The following TCEANC2 variants were observed in gnomAD, a reference collection of about 807,000 sequenced individuals.
The protein encoded by TCEANC2 is transcription elongation factor A N-terminal and central domain containing 2, also known as transcription elongation factor A N-terminal and central domain-containing protein 2.
TCEANC2 carries 20 observed loss-of-function variants against 22.8 expected under a neutral mutation model. The observed-to-expected ratio is 0.88, with a 90% CI of 0.62 to 1.28. The LOEUF is 1.28. Among genes scored for constraint, TCEANC2 ranks in the 50% most tolerant of loss-of-function variants. The pLI, the probability that TCEANC2 is intolerant of heterozygous loss-of-function variation, is 0.00. For missense variants in TCEANC2, 251 were observed against 249.7 expected (o/e 1.01, Z -0.03); for synonymous variants, 84 against 95.5 (o/e 0.88, Z 0.70).
intron 2 of TCEANC2, among the ~76,000 whole-genome samples, chr1:54,063,674 C>A (rs1320611888): frequency 3.3e-5 from 5 of 152,246 alleles, no homozygotes; most frequent in Non-Finnish European, 2.9e-5. Context: ...TCAACCAGTA[C>A]GTATAATGCA....
At chr1:54,109,291 A>G (rs1476329345), downstream of TCEANC2, among the ~76,000 whole-genome samples, 2 of 152,210 alleles carry the variant, frequency 1.3e-5, no homozygotes, top group Non-Finnish European at 2.9e-5. Flanking sequence ...AGGTATGTGC[A>G]AACGTGGAAG....
At chr1:54,091,121 A>G (rs570209537) in intron 4 of TCEANC2, among the ~76,000 whole-genome samples, 3 of 151,968 alleles carry the variant, frequency 2.0e-5, no homozygotes, top group African/African-American at 7.2e-5. Context: ...TAAAAAATTA[A>G]AAGTATGCAT....
At chr1:54,111,448 A>T (rs1245698669) in exon 5 of TCEANC2, 1 of 152,200 alleles carries the variant, frequency 6.6e-6, no homozygotes, top group Admixed American at 6.5e-5. Flanking sequence ...AGTCCAATTC[A>T]TGCCTAAGGG....
intron 2 of TCEANC2, among the ~76,000 whole-genome samples, chr1:54,057,892 C>T (rs183590427): frequency 6.6e-6 from 1 of 152,290 alleles, no homozygotes; most frequent in African/African-American, 2.4e-5. Flanking sequence ...TTCCTCTGTG[C>T]CTTTGCATAT....
rs1658736267 is a variant in TCEANC2, at chr1:54,105,465, ATC to A, written c.*8998_*8999del. The A allele has an allele frequency of 6.6e-6, 1 of 152,126 alleles. No individual in the cohort carries two copies. Among genetic ancestry groups the A allele is most frequent in the South Asian group, 2.1e-4 (1 of 4,818 alleles). The allele number at this position is 152,126 out of a possible 1,614,324, so 9.4% of individuals were successfully genotyped here. ...TTCATACAGCATCGGAGCCCAATTT[ATC>A]TCTCTGAGCAATCCTGCTTCCTTTC... On this transcript the variant is annotated 3_prime_UTR_variant, in exon 5 of 5. Coordinates refer to ENST00000234827, the MANE Select transcript of TCEANC2 (RefSeq NM_153035.3).
chr1:54,085,773 G>T (rs1382117886), intron 3 of TCEANC2, among the ~76,000 whole-genome samples: 1 of 151,994 alleles, frequency 6.6e-6, no homozygotes, highest in Non-Finnish European at 1.5e-5. Context: ...TTGCTCTGTT[G>T]CCCAGGCTGG....
Position 54,096,527 on chromosome 1 carries a change from T to C in TCEANC2, c.*54T>C. On this transcript the variant is annotated 3_prime_UTR_variant, in exon 5 of 5. Coordinates refer to ENST00000234827, the MANE Select transcript of TCEANC2 (RefSeq NM_153035.3). This position sits in a 1 kb window ranked among gnomAD's most constrained non-coding sequence, Gnocchi z 4.9. ...GCAGAGAGGAAAATGGGCCTGTCTC[T>C]GCCGTTCAAAGACGCTTTTGAGTTT... 1 of 1,550,760 alleles carries C rather than the reference T, an allele frequency of 6.4e-7. No homozygotes were observed. Among genetic ancestry groups the C allele is most frequent in the South Asian group, 1.2e-5 (1 of 84,842 alleles).
At position 54,068,818 on chromosome 1, in the gene TCEANC2, C is replaced by T. The variant is rs756558818; in HGVS notation, c.165C>T (p.Thr55=). ...CTATGCTGGAGCTTCCTGATCAAAC[C>T]AAAGAGAATCTTGTTGAAGCCTTAC... ...WKTMLELPDQ[T]KENLVEALQE... The change falls in exon 3 of 5, where the codon ACC becomes ACT. Residue 55 remains threonine (T), a synonymous_variant. Transcript: ENST00000234827. 7 of 1,611,818 alleles carry T rather than the reference C, an allele frequency of 4.3e-6. No individual in the cohort carries two copies. In the Admixed American group the frequency reaches 6.7e-5, roughly 15 times the overall value.
intron 4 of TCEANC2, among the ~76,000 whole-genome samples, chr1:54,093,304 G>T (rs1255118874): frequency 6.6e-6 from 1 of 152,134 alleles, no homozygotes; most frequent in African/African-American, 2.4e-5. Context: ...TAAAGCACCA[G>T]ATTAGGACCC....
intron 2 of TCEANC2, among the ~76,000 whole-genome samples, chr1:54,061,857 T>C (rs894190598): frequency 6.6e-6 from 1 of 152,240 alleles, no homozygotes; most frequent in Non-Finnish European, 1.5e-5. Context: ...TACAAGTAAT[T>C]TTGCCATAGG....
Position 54,097,436 on chromosome 1 carries a change from G to A in TCEANC2, c.*963G>A, listed in dbSNP as rs1000844500. Reference sequence around the variant, plus strand: ...GGAATGTAGAAGACTCAAGGAAGTGGGGATTAGATTAGGGGAGACTGGAGC... The same window carrying A: ...GGAATGTAGAAGACTCAAGGAAGTGAGGATTAGATTAGGGGAGACTGGAGC... On this transcript the variant is annotated 3_prime_UTR_variant, in exon 5 of 5. Coordinates refer to ENST00000234827, the MANE Select transcript of TCEANC2 (RefSeq NM_153035.3). 3.3e-5 allele frequency: 5 copies of A among 152,086 alleles called. No homozygotes were observed. Among genetic ancestry groups the A allele is most frequent in the African/African-American group, 1.2e-4 (5 of 41,414 alleles). 9.4% of individuals were successfully genotyped at this position (152,086 alleles called of 1,614,324 possible).
At chr1:54,070,856 T>C (rs1658043293) in intron 3 of TCEANC2, among the ~76,000 whole-genome samples, 1 of 152,240 alleles carries the variant, frequency 6.6e-6, no homozygotes, top group Admixed American at 6.5e-5. Context: ...TCCTGCCTTT[T>C]TGGAGCCTTA....
At chr1:54,064,159 G>A (rs546290062) in intron 2 of TCEANC2, among the ~76,000 whole-genome samples, 2 of 152,298 alleles carry the variant, frequency 1.3e-5, no homozygotes, top group South Asian at 2.1e-4. Flanking sequence ...AAATAAATTA[G>A]CAAGGGAGAG....
chr1:54,108,068 C>T (rs890557927), downstream of TCEANC2, among the ~76,000 whole-genome samples: 53 of 152,180 alleles, frequency 3.5e-4, no homozygotes, highest in Admixed American at 3.3e-3. Flanking sequence ...TTGAGAACAT[C>T]CTGTAAACAT....
At chr1:54,080,480 T>C (rs1233943714) in intron 3 of TCEANC2, among the ~76,000 whole-genome samples, 3 of 152,210 alleles carry the variant, frequency 2.0e-5, no homozygotes, top group African/African-American at 4.8e-5. Context: ...GCATTGCCTC[T>C]TTCATGGTGT....
At chr1:54,081,265 T>C (rs939715323) in intron 3 of TCEANC2, among the ~76,000 whole-genome samples, 1 of 152,174 alleles carries the variant, frequency 6.6e-6, no homozygotes, top group Non-Finnish European at 1.5e-5. Context: ...GGTCTTACTC[T>C]ATCATCCAGG....
At chr1:54,081,989 C>T (rs1208421063) in intron 3 of TCEANC2, among the ~76,000 whole-genome samples, 10 of 152,216 alleles carry the variant, frequency 6.6e-5, no homozygotes, top group Admixed American at 5.9e-4. Flanking sequence ...TTATTGAAGA[C>T]TTCCTGTGTG....
exon 5 of TCEANC2, chr1:54,111,425 C>T (rs539881341): frequency 6.6e-6 from 1 of 152,398 alleles, no homozygotes; most frequent in African/African-American, 2.4e-5. Context: ...CTGGGCCAAA[C>T]TTCTGCTGGG....
chr1:54,064,366 G>A (rs534245406), intron 2 of TCEANC2, among the ~76,000 whole-genome samples: 2 of 152,334 alleles, frequency 1.3e-5, no homozygotes, highest in East Asian at 1.9e-4. Flanking sequence ...ATTTACTGAA[G>A]TAAGTACACT....
Sources: gnomAD v4.1 joint callset for allele counts (sites outside exome capture counted in the v4.1 genomes callset) on GRCh38, gnomAD v4.1.1 for gene constraint, Gnocchi (gnomAD v3.1) non-coding constraint, MANE v1.5 for transcripts, NCBI Gene and HGNC (gene_info 2026-07-23, HGNC 2026-07-21) for gene names.